Variants in SUGCT observed in about 807,000 individuals in gnomAD.
SUGCT encodes the protein succinyl-CoA:glutarate CoA-transferase.
A neutral mutation model predicts 55.0 loss-of-function variants in SUGCT; 41 were observed. The observed-to-expected ratio is 0.74, with a 90% CI of 0.58 to 0.97. SUGCT has a LOEUF of 0.97. SUGCT is among the 50% of genes least tolerant of loss of function. The probability of loss-of-function intolerance (pLI) is 0.00; values close to 1 mark genes in which losing one functional copy is unlikely to be tolerated. For missense variants in SUGCT, 568 were observed against 547.8 expected (o/e 1.04, Z -0.37); for synonymous variants, 187 against 200.4 (o/e 0.93, Z 0.56).
intron 12 of SUGCT, among the ~76,000 whole-genome samples, chr7:40,658,869 C>G (rs1043334820): frequency 2.0e-5 from 3 of 152,168 alleles, no homozygotes; most frequent in Non-Finnish European, 4.4e-5. Flanking sequence ...CTCCATGTGT[C>G]ATCACATAAG....
At chr7:40,772,658 C>A (rs1005173605) in intron 13 of SUGCT, among the ~76,000 whole-genome samples, 1 of 140,924 alleles carries the variant, frequency 7.1e-6, no homozygotes, top group Admixed American at 7.2e-5. Context: ...GAGACAGGGT[C>A]TCACTCTGTT....
chr7:40,374,293 A>G (rs572719024), intron 9 of SUGCT, among the ~76,000 whole-genome samples: 147 of 152,228 alleles, frequency 9.7e-4, no homozygotes, highest in African/African-American at 3.2e-3. Flanking sequence ...TTCTGTTTTG[A>G]TCTTCAAAAT....
chr7:40,715,553 T>C (rs1388999329), intron 12 of SUGCT, among the ~76,000 whole-genome samples: 2 of 152,098 alleles, frequency 1.3e-5, no homozygotes, highest in Admixed American at 6.6e-5. Context: ...CCCCCCCTCA[T>C]GTGTTTTCTA....
the SUGCT span, among the ~76,000 whole-genome samples, chr7:40,932,621 GTA>G: frequency 6.6e-6 from 1 of 152,042 alleles, no homozygotes; most frequent in Admixed American, 6.6e-5. Flanking sequence ...TATTGGGTGT[GTA>G]TATATTTAGG....
At chr7:40,943,062 C>G in the SUGCT span, among the ~76,000 whole-genome samples, 1 of 151,774 alleles carries the variant, frequency 6.6e-6, no homozygotes, top group African/African-American at 2.4e-5. Flanking sequence ...TCTGATATCT[C>G]AAAGATGTCA....
At chr7:40,301,117 CCTCT>C (rs1326910515) in intron 8 of SUGCT, among the ~76,000 whole-genome samples, 1 of 152,052 alleles carries the variant, frequency 6.6e-6, no homozygotes, top group Non-Finnish European at 1.5e-5. Context: ...GCATATCGTC[CCTCT>C]AAGTCACTGG....
chr7:40,555,648 G>C (rs986197155), intron 12 of SUGCT, among the ~76,000 whole-genome samples: 1 of 152,188 alleles, frequency 6.6e-6, no homozygotes, highest in Non-Finnish European at 1.5e-5. Context: ...AGTAGGTCTT[G>C]TGTGGAGCCT....
At chr7:40,321,507 C>T (rs561700038) in intron 9 of SUGCT, among the ~76,000 whole-genome samples, 74 of 152,074 alleles carry the variant, frequency 4.9e-4, no homozygotes, top group Non-Finnish European at 5.3e-4. Flanking sequence ...CTCAGCCTCC[C>T]GAGTAGCTGG....
chr7:40,626,550 C>T (rs1240766015), intron 12 of SUGCT, among the ~76,000 whole-genome samples: 2 of 152,108 alleles, frequency 1.3e-5, no homozygotes, highest in African/African-American at 4.8e-5. Context: ...CTGAGCCCGG[C>T]CCAGAGAGAC....
intron 13 of SUGCT, among the ~76,000 whole-genome samples, chr7:40,804,336 G>A (rs893489783): frequency 1.3e-5 from 2 of 152,122 alleles, no homozygotes; most frequent in African/African-American, 4.8e-5. Flanking sequence ...CAAGTTTCAT[G>A]AGGGCAGATA....
chr7:40,883,614 C>T, the SUGCT span, among the ~76,000 whole-genome samples: 4 of 152,260 alleles, frequency 2.6e-5, no homozygotes, highest in East Asian at 7.7e-4. Flanking sequence ...ATGCTTACTA[C>T]AGAATAAGGC....
intron 9 of SUGCT, among the ~76,000 whole-genome samples, chr7:40,369,099 A>G (rs537519353): frequency 1.3e-5 from 2 of 151,004 alleles, no homozygotes; most frequent in African/African-American, 4.9e-5. Flanking sequence ...GCGAGACTCT[A>G]TCTTAAAAAA....
At position 40,854,399 on chromosome 7, in the gene SUGCT, C is replaced by T. The variant is rs981421906; in HGVS notation, c.1154-5917C>T. Among the ~76,000 whole-genome samples the T allele has an allele frequency of 2.9e-4, 30 of 103,442 alleles. No homozygotes were observed. The East Asian group carries it at 9.7e-3, about 33-fold the overall frequency. The allele number at this position is 103,442 out of a possible 152,430, so 67.9% of individuals were successfully genotyped here. ...CCTTATTGTGTATCAAAATTTTTTT[C>T]TTTCTTTCTTTCTTTCTTTCCTTTC... On this transcript the variant is annotated intron_variant, in intron 13 of 13. Coordinates refer to ENST00000335693, the MANE Select transcript of SUGCT (RefSeq NM_001193313.2).
At chr7:40,950,077 C>T in the SUGCT span, among the ~76,000 whole-genome samples, 3 of 152,176 alleles carry the variant, frequency 2.0e-5, no homozygotes, top group Non-Finnish European at 4.4e-5. Flanking sequence ...ATTGATTCTT[C>T]CTATCCGTGA....
chr7:40,323,179 A>G (rs1795843504), intron 9 of SUGCT, among the ~76,000 whole-genome samples: 1 of 151,982 alleles, frequency 6.6e-6, no homozygotes, highest in Non-Finnish European at 1.5e-5. Context: ...ATCCACATAG[A>G]GGACCCTTGC....
chr7:40,710,491 T>C (rs1313755152), intron 12 of SUGCT, among the ~76,000 whole-genome samples: 1 of 152,060 alleles, frequency 6.6e-6, no homozygotes, highest in Non-Finnish European at 1.5e-5. Flanking sequence ...AGAACTTATC[T>C]TTGGAGTTTT....
chr7:40,873,653 T>A, the SUGCT span, among the ~76,000 whole-genome samples: 1 of 152,242 alleles, frequency 6.6e-6, no homozygotes, highest in Non-Finnish European at 1.5e-5. Context: ...TTATTCTGGT[T>A]ATAACTGATT....
intron 9 of SUGCT, among the ~76,000 whole-genome samples, chr7:40,364,115 T>C (rs943759737): frequency 2.0e-5 from 3 of 151,010 alleles, no homozygotes; most frequent in African/African-American, 7.3e-5. Flanking sequence ...AAGTCTGTTT[T>C]ATCCGAGACT....
intron 12 of SUGCT, among the ~76,000 whole-genome samples, chr7:40,591,227 A>G (rs1197019158): frequency 6.6e-6 from 1 of 152,250 alleles, no homozygotes; most frequent in African/African-American, 2.4e-5. Flanking sequence ...GTTTGGAATA[A>G]TTTGATACCA....
Sources: allele counts gnomAD v4.1 joint callset (sites outside exome capture counted in the v4.1 genomes callset), GRCh38; gene constraint gnomAD v4.1.1; transcripts MANE v1.5; gene names NCBI Gene and HGNC (gene_info 2026-07-23, HGNC 2026-07-21).